CSMD2: variants seen among roughly 807,000 people sequenced by gnomAD.
The protein encoded by CSMD2 is CUB and Sushi multiple domains 2, also known as CUB and sushi domain-containing protein 2.
Under a neutral mutation model 398.5 loss-of-function variants are expected in CSMD2, and 130 were observed. That is an observed-to-expected ratio of 0.33 (90% CI 0.28 to 0.38). The LOEUF (loss-of-function observed/expected upper bound fraction) is 0.38, where lower values mean the gene tolerates loss of function less well. Among genes scored for constraint, CSMD2 ranks in the 10% least tolerant of loss-of-function variants. The pLI, the probability that CSMD2 is intolerant of heterozygous loss-of-function variation, is 1.00. For synonymous variants in CSMD2, 1,828 were observed against 1,908.5 expected (o/e 0.96, Z 1.10); for missense variants, 3,829 against 4,764.9 (o/e 0.80, Z 5.78).
intron 13 of CSMD2, among the ~76,000 whole-genome samples, chr1:33,744,805 A>G (rs1341189454): frequency 6.6e-6 from 1 of 152,152 alleles, no homozygotes; most frequent in African/African-American, 2.4e-5. Context: ...AAAATAAAGA[A>G]AAAATATAGA....
intron 1 of CSMD2, among the ~76,000 whole-genome samples, chr1:34,154,727 C>CTT (rs10709808): frequency 2.7e-5 from 3 of 113,158 alleles, no homozygotes; most frequent in Non-Finnish European, 5.5e-5. Context: ...AGGATCCAGG[C>CTT]TTTTTTTTTT....
At chr1:33,884,117 T>C (rs1199744489) in intron 5 of CSMD2, among the ~76,000 whole-genome samples, 3 of 152,088 alleles carry the variant, frequency 2.0e-5, no homozygotes, top group Non-Finnish European at 2.9e-5. Flanking sequence ...CCACCCTCTC[T>C]AGTGGATGAG....
At chr1:33,838,879 A>G (rs1660575219) in intron 6 of CSMD2, 1 of 152,796 alleles carries the variant, frequency 6.5e-6, no homozygotes, top group Non-Finnish European at 1.5e-5. Flanking sequence ...ATGCTCCATC[A>G]CCATGGAAGG....
In CSMD2 at chr1:33,933,252, G is replaced by C. The variant is rs533439929; in HGVS notation, c.712+2508C>G. Among the ~76,000 whole-genome samples the C allele has an allele frequency of 2.6e-5, 4 of 152,318 alleles. No homozygotes were observed. In the East Asian group the frequency reaches 7.7e-4, roughly 29 times the overall value. On this transcript the variant is annotated intron_variant, in intron 4 of 70. Transcript: ENST00000373381. ...CCCAACCTAAGTTGGCAGAGCAGAA[G>C]CAGGGGTAGGGAGACAGGGCATTGA...
chr1:33,906,712 A>G (rs902115648), intron 5 of CSMD2, among the ~76,000 whole-genome samples: 4 of 152,176 alleles, frequency 2.6e-5, no homozygotes, highest in African/African-American at 4.8e-5. Context: ...GTGGTCCATC[A>G]AAGTGGAGAT....
intron 19 of CSMD2, among the ~76,000 whole-genome samples, chr1:33,722,359 C>T (rs1282922606): frequency 1.3e-5 from 2 of 152,224 alleles, no homozygotes; most frequent in African/African-American, 4.8e-5. Flanking sequence ...TTTTGATTCA[C>T]ATCACCAAGT....
intron 2 of CSMD2, among the ~76,000 whole-genome samples, chr1:34,081,744 T>C (rs543497973): frequency 3.3e-5 from 5 of 152,246 alleles, no homozygotes; most frequent in African/African-American, 1.2e-4. Flanking sequence ...TGATCTCAGC[T>C]CGCTACAACC....
intron 1 of CSMD2, among the ~76,000 whole-genome samples, chr1:34,098,730 G>C (rs957313963): frequency 1.3e-5 from 2 of 151,964 alleles, no homozygotes; most frequent in African/African-American, 4.8e-5. Flanking sequence ...AAAGAATTAA[G>C]TTATCTCCTC....
intron 42 of CSMD2, among the ~76,000 whole-genome samples, chr1:33,603,075 TA>T (rs1167512981): frequency 2.6e-5 from 4 of 152,124 alleles, no homozygotes; most frequent in Non-Finnish European, 4.4e-5. Context: ...TAGTCTTAGA[TA>T]AGTAGTTTAG....
intron 5 of CSMD2, chr1:33,885,307 T>C (rs1641514636): frequency 6.6e-6 from 1 of 152,152 alleles, no homozygotes; most frequent in African/African-American, 2.4e-5. Context: ...CCCCTTAAGA[T>C]ACACTATTCT....
intron 14 of CSMD2, among the ~76,000 whole-genome samples, chr1:33,743,050 T>C (rs1456703072): frequency 6.6e-6 from 1 of 152,158 alleles, no homozygotes; most frequent in East Asian, 1.9e-4. Flanking sequence ...CTATGGGAGA[T>C]AAATGCCCTT....
In CSMD2 at chr1:33,788,447, G is replaced by A. The variant is rs192110995; in HGVS notation, c.1663+153C>T. Among the ~76,000 whole-genome samples, 1,016 of 149,246 alleles carry A rather than the reference G, an allele frequency of 6.8e-3. 2 individuals carry two copies. Among genetic ancestry groups the A allele is most frequent in the South Asian group, 0.014 (65 of 4,704 alleles). ...CACTTGAACCTGGGAGGCGGAGGCT[G>A]TAGTGAGCTAAGATCGTGCCACGGC... On this transcript the variant is annotated intron_variant, in intron 12 of 70. Coordinates refer to ENST00000373381, the MANE Select transcript of CSMD2 (RefSeq NM_001281956.2).
intron 1 of CSMD2, among the ~76,000 whole-genome samples, chr1:34,162,599 C>T (rs1399976561): frequency 6.6e-6 from 1 of 152,140 alleles, no homozygotes; most frequent in Non-Finnish European, 1.5e-5. Context: ...TGGCTCACAT[C>T]TGTAAGCCCA....
chr1:33,782,981 C>T (rs534432585), intron 12 of CSMD2, among the ~76,000 whole-genome samples: 30 of 151,994 alleles, frequency 2.0e-4, no homozygotes, highest in African/African-American at 5.5e-4. Flanking sequence ...CTAGAGCCAG[C>T]GATGCTGGTT....
intron 2 of CSMD2, among the ~76,000 whole-genome samples, chr1:34,083,755 G>T (rs1189287257): frequency 6.6e-6 from 1 of 152,070 alleles, no homozygotes; most frequent in Non-Finnish European, 1.5e-5. Context: ...TGTCTCTACA[G>T]AAAGAGTGCA....
At chr1:33,550,085 T>C in intron 56 of CSMD2, 92 bp downstream of exon 56, 5 of 1,294,012 alleles carry the variant, frequency 3.9e-6, no homozygotes, top group South Asian at 1.3e-5. Context: ...TTCCCTCCCA[T>C]CCATCAATCA....
chr1:33,818,561 C>T (rs1657739000), intron 9 of CSMD2, among the ~76,000 whole-genome samples: 1 of 152,180 alleles, frequency 6.6e-6, no homozygotes, highest in African/African-American at 2.4e-5. Context: ...TGCCCAATTG[C>T]TGAGAGTTAT....
intron 65 of CSMD2, 144 bp downstream of exon 65, chr1:33,527,052 G>T (rs541384120): frequency 2.6e-6 from 2 of 767,786 alleles, no homozygotes; most frequent in South Asian, 2.9e-5. Context: ...GGGGAGGTGG[G>T]TAGGGAAAGC....
chr1:34,035,438 C>A (rs2148165542), intron 2 of CSMD2, among the ~76,000 whole-genome samples: 1 of 152,086 alleles, frequency 6.6e-6, no homozygotes, highest in East Asian at 1.9e-4. Flanking sequence ...CACATGCATA[C>A]AAACACAAAA....
Sources: gnomAD v4.1 joint callset for allele counts (sites outside exome capture counted in the v4.1 genomes callset) on GRCh38, gnomAD v4.1.1 for gene constraint, MANE v1.5 for transcripts, NCBI Gene and HGNC (gene_info 2026-07-23, HGNC 2026-07-21) for gene names.